CACNA1E: variants seen among roughly 807,000 people sequenced by gnomAD.
CACNA1E encodes voltage-dependent R-type calcium channel subunit alpha-1E.
In CACNA1E, 40 loss-of-function variants were observed where a neutral mutation model predicts 259.2. The observed-to-expected ratio is 0.15, with a 90% CI of 0.12 to 0.20. The LOEUF (loss-of-function observed/expected upper bound fraction) is 0.20. CACNA1E is among the 10% of genes least tolerant of loss of function. The pLI is 1.00. For missense variants in CACNA1E, 1,874 were observed against 3,040.1 expected (o/e 0.62, Z 9.02); for synonymous variants, 1,104 against 1,138.5 (o/e 0.97, Z 0.61).
chr1:181,417,806 G>T (rs974707187), intron 2 of CACNA1E, among the ~76,000 whole-genome samples: 1 of 152,146 alleles, frequency 6.6e-6, no homozygotes, highest in Non-Finnish European at 1.5e-5. Context: ...ATCAGGAGAG[G>T]CATGTACAGG....
intron 6 of CACNA1E, among the ~76,000 whole-genome samples, chr1:181,606,131 C>T (rs1413440272): frequency 1.3e-5 from 2 of 152,122 alleles, no homozygotes; most frequent in Admixed American, 6.5e-5. Flanking sequence ...TTTTTGAAGT[C>T]TCTTGACTAT....
intron 3 of CACNA1E, among the ~76,000 whole-genome samples, chr1:181,544,139 A>G (rs935834645): frequency 1.3e-5 from 2 of 152,244 alleles, no homozygotes; most frequent in Non-Finnish European, 2.9e-5. Flanking sequence ...ATGAAAAGCA[A>G]CAAAGTACTG....
chr1:181,474,142 CAAAGG>C (rs1662691541), intron 2 of CACNA1E, among the ~76,000 whole-genome samples: 1 of 151,928 alleles, frequency 6.6e-6, no homozygotes, highest in African/African-American at 2.4e-5. Flanking sequence ...ATTATTTAAA[CAAAGG>C]AAAGTAGCAT....
chr1:181,687,049 T>A (rs1351967515), intron 7 of CACNA1E, among the ~76,000 whole-genome samples: 2 of 151,418 alleles, frequency 1.3e-5, no homozygotes, highest in East Asian at 1.9e-4. Flanking sequence ...AACATGAGAC[T>A]GGTGGGGTGG....
At chr1:181,787,689 G>C (rs535382988) in intron 43 of CACNA1E, among the ~76,000 whole-genome samples, 25 of 152,176 alleles carry the variant, frequency 1.6e-4, no homozygotes, top group Non-Finnish European at 3.2e-4. Context: ...GATGCTGAAG[G>C]GTGGGCTGTT....
chr1:181,628,881 T>C (rs907068827), intron 6 of CACNA1E, among the ~76,000 whole-genome samples: 1 of 152,262 alleles, frequency 6.6e-6, no homozygotes, highest in East Asian at 1.9e-4. Context: ...ATTTGGATTT[T>C]AGTGCTTCTT....
At chr1:181,615,672 A>G (rs1655141413) in intron 6 of CACNA1E, among the ~76,000 whole-genome samples, 1 of 152,212 alleles carries the variant, frequency 6.6e-6, no homozygotes, top group African/African-American at 2.4e-5. Context: ...TTTTCTATAT[A>G]TATAATCCTG....
chr1:181,727,653 G>A (rs1037984341), intron 18 of CACNA1E, among the ~76,000 whole-genome samples: 3 of 152,316 alleles, frequency 2.0e-5, no homozygotes, highest in Admixed American at 6.5e-5. Flanking sequence ...AGGGGTGTTG[G>A]AGAAGAGGCT....
exon 2 of CACNA1E, chr1:181,413,350 T>A (rs1237223233): frequency 6.6e-6 from 1 of 152,436 alleles, no homozygotes; most frequent in African/African-American, 2.4e-5. Flanking sequence ...TGCTGCCGGC[T>A]TCCCCGCGCG....
At chr1:181,762,539 T>C (rs780788866) in intron 32 of CACNA1E, 35 bp from the exon 33 acceptor site, 3 of 1,262,334 alleles carry the variant, frequency 2.4e-6, no homozygotes, top group Admixed American at 3.4e-5. Flanking sequence ...TTTCTTTCCT[T>C]TTCTGATGTT....
chr1:181,579,873 C>A (rs1007637920), intron 5 of CACNA1E, among the ~76,000 whole-genome samples: 2 of 152,142 alleles, frequency 1.3e-5, no homozygotes, highest in Non-Finnish European at 2.9e-5. Context: ...TCTGTTTTGA[C>A]CCACACGTGG....
At chr1:181,412,428 G>T (rs11809703) in intron 1 of CACNA1E, among the ~76,000 whole-genome samples, 1 of 152,182 alleles carries the variant, frequency 6.6e-6, no homozygotes, top group Non-Finnish European at 1.5e-5. Context: ...AAAATTGCTG[G>T]ATGTGGTGGT....
At chr1:181,705,594 C>T (rs3908958) in intron 7 of CACNA1E, among the ~76,000 whole-genome samples, 6 of 152,144 alleles carry the variant, frequency 3.9e-5, no homozygotes, top group East Asian at 1.9e-4. Flanking sequence ...ATGCAAGAGC[C>T]GTATGTGAGG....
chr1:181,714,166 A>G (rs1201782481), intron 8 of CACNA1E, among the ~76,000 whole-genome samples: 1 of 152,114 alleles, frequency 6.6e-6, no homozygotes, highest in Non-Finnish European at 1.5e-5. Context: ...GGCAACCAAC[A>G]TATCTGCCTG....
intron 1 of CACNA1E, among the ~76,000 whole-genome samples, chr1:181,334,479 G>A (rs922134976): frequency 3.3e-4 from 50 of 152,154 alleles, no homozygotes; most frequent in Non-Finnish European, 2.6e-4. Context: ...ACATCAAACT[G>A]TGCATATTTA....
chr1:181,571,274 C>T (rs146556755), intron 3 of CACNA1E, among the ~76,000 whole-genome samples: 38 of 152,278 alleles, frequency 2.5e-4, no homozygotes, highest in African/African-American at 8.7e-4. Context: ...GACTGAAGAG[C>T]GTGTGCCTTA....
chr1:181,730,563 G>A (rs912125185), intron 18 of CACNA1E, among the ~76,000 whole-genome samples: 2 of 152,238 alleles, frequency 1.3e-5, no homozygotes, highest in Admixed American at 6.5e-5. Context: ...GGGCCTCTGC[G>A]TTGCTCAAAG....
At chr1:181,472,552 G>GTA (rs200680317) in intron 2 of CACNA1E, among the ~76,000 whole-genome samples, 14,344 of 152,134 alleles carry the variant, frequency 0.094, 836 homozygotes, top group South Asian at 0.19. Flanking sequence ...CACCTATAAT[G>GTA]CCTGGTATCT....
chr1:181,327,547 T>C (rs550274691), intron 1 of CACNA1E, among the ~76,000 whole-genome samples: 2 of 152,332 alleles, frequency 1.3e-5, no homozygotes, highest in South Asian at 4.1e-4. Flanking sequence ...ACCCCCATCT[T>C]TCCCCCCAGG....
Sources: gnomAD v4.1 joint callset for allele counts (sites outside exome capture counted in the v4.1 genomes callset) on GRCh38, gnomAD v4.1.1 for gene constraint, MANE v1.5 for transcripts, NCBI Gene and HGNC (gene_info 2026-07-23, HGNC 2026-07-21) for gene names.